Variants in RNF216 observed in about 807,000 individuals in gnomAD.
The protein encoded by RNF216 is ring finger protein 216, also known as E3 ubiquitin-protein ligase RNF216.
Under a neutral mutation model 110.8 loss-of-function variants are expected in RNF216, and 72 were observed. The observed-to-expected ratio is 0.65, with a 90% CI of 0.54 to 0.79. RNF216 has a LOEUF of 0.79. Ranked by LOEUF, RNF216 falls within the 30% of genes least tolerant of loss-of-function variation. The pLI is 0.00. For missense variants in RNF216, 1,342 were observed against 1,141.2 expected, an observed-to-expected ratio of 1.18 and a Z score of -2.54; for synonymous variants, 495 against 407.5, an observed-to-expected ratio of 1.21 and a Z score of -2.59.
At chr7:5,644,305 T>C (rs760995539) in intron 14 of RNF216, among the ~76,000 whole-genome samples, 50 of 152,216 alleles carry the variant, frequency 3.3e-4, no homozygotes, top group Non-Finnish European at 5.9e-4. Flanking sequence ...CCTCAATGTA[T>C]ACTGGTGTCA....
intron 1 of RNF216, among the ~76,000 whole-genome samples, chr7:5,773,555 T>C (rs1459847788): frequency 6.6e-6 from 1 of 151,764 alleles, no homozygotes; most frequent in East Asian, 1.9e-4. Flanking sequence ...TTTTAAAAAG[T>C]ATTTTGAACA....
intron 7 of RNF216, among the ~76,000 whole-genome samples, chr7:5,727,534 C>A (rs1166661390): frequency 6.6e-6 from 1 of 152,126 alleles, no homozygotes; most frequent in Admixed American, 6.5e-5. Context: ...CAAGACCAGC[C>A]TGCACAATCT....
In RNF216 at chr7:5,624,350, G is replaced by A. The variant is rs1187100494; in HGVS notation, c.2383-225C>T. 6.6e-6 allele frequency among the ~76,000 whole-genome samples: 1 copy of A among 152,224 alleles called. No individual in the cohort carries two copies. Among genetic ancestry groups the A allele is most frequent in the African/African-American group, 2.4e-5 (1 of 41,458 alleles). On this transcript the variant is annotated intron_variant, in intron 15 of 16. Coordinates refer to ENST00000389902, the MANE Select transcript of RNF216 (RefSeq NM_207111.4). This position sits in a 1 kb window ranked among gnomAD's most constrained non-coding sequence, Gnocchi z 4.4. ...ACAAGGAGGCCATCCACAAGGCTGG[G>A]CAGAGGGGTCTGAGCATGGCAGGCA...
At chr7:5,682,093 A>G (rs1489792367) in intron 13 of RNF216, among the ~76,000 whole-genome samples, 6 of 152,220 alleles carry the variant, frequency 3.9e-5, no homozygotes, top group South Asian at 2.1e-4. Flanking sequence ...CTGTCCACTC[A>G]GCAGACACAG....
chr7:5,740,185 G>C (rs1220011517), intron 4 of RNF216, among the ~76,000 whole-genome samples: 1 of 140,694 alleles, frequency 7.1e-6, no homozygotes, highest in Non-Finnish European at 1.5e-5. Flanking sequence ...GGAGTGCAGT[G>C]GCACGATCCT....
intron 15 of RNF216, among the ~76,000 whole-genome samples, chr7:5,631,761 C>T (rs148627830): frequency 5.9e-5 from 9 of 152,250 alleles, no homozygotes; most frequent in East Asian, 1.9e-4. Context: ...TAAAATCAGC[C>T]GTAATTCCTC....
chr7:5,741,433 T>G lies in RNF216; in HGVS notation c.584A>C (p.Glu195Ala). 6.2e-7 allele frequency: 1 copy of G among 1,614,230 alleles called. No homozygotes were observed. The highest frequency in any genetic ancestry group is 8.5e-7 in the Non-Finnish European group (1 of 1,180,030). Residue 195 changes from glutamate to alanine, a missense_variant, in exon 4 of 17, where the codon GAA (glutamate) becomes GCA (alanine). Transcript: ENST00000389902. ...SLLYTESDPL[E>A]TQNQSSEDSE... ...GTCTTCGGATGACTGGTTCTGAGTT[T>G]CCAAAGGATCGCTTTCTGTGTAAAG... is the stretch of plus-strand genomic sequence containing the variant.
chr7:5,655,368 C>A (rs546238166), intron 13 of RNF216, among the ~76,000 whole-genome samples: 1 of 152,276 alleles, frequency 6.6e-6, no homozygotes, highest in Admixed American at 6.5e-5. Flanking sequence ...GAGGCCGAGG[C>A]GGAGGGATCA....
chr7:5,645,934 T>C (rs1788024532), intron 14 of RNF216, among the ~76,000 whole-genome samples: 1 of 152,216 alleles, frequency 6.6e-6, no homozygotes, highest in Admixed American at 6.5e-5. Flanking sequence ...TCATACACTG[T>C]GCTCCTGGTT....
rs755333407 is a variant in RNF216 at position 5,624,150 on chromosome 7, T to C, written c.2383-25A>G. The C allele has an allele frequency of 3.1e-6, 5 of 1,604,894 alleles. No individual in the cohort carries two copies. The South Asian group carries it at 4.4e-5, about 14-fold the overall frequency. On this transcript the variant is annotated intron_variant, in intron 15 of 16. Coordinates refer to ENST00000389902, the MANE Select transcript of RNF216 (RefSeq NM_207111.4). The surrounding 1 kb of genome is among the most constrained non-coding windows in gnomAD (Gnocchi z 4.4). ...CCTAAAACGCAAGCAATGAGAAGGA[T>C]GAACCTGTAGCTTCATGCAGTGCTG...
intron 13 of RNF216, among the ~76,000 whole-genome samples, chr7:5,658,943 T>C (rs1319285768): frequency 3.9e-5 from 6 of 152,130 alleles, no homozygotes; most frequent in Non-Finnish European, 8.8e-5. Context: ...CGGAGTTATG[T>C]TTCAGAATAC....
intron 13 of RNF216, among the ~76,000 whole-genome samples, chr7:5,673,698 T>C (rs899261217): frequency 2.0e-5 from 3 of 152,162 alleles, no homozygotes; most frequent in Admixed American, 2.0e-4. Flanking sequence ...CAACACAGCA[T>C]GACCTTGTCT....
At chr7:5,747,886 C>T (rs1291869460) in intron 3 of RNF216, among the ~76,000 whole-genome samples, 2 of 151,970 alleles carry the variant, frequency 1.3e-5, no homozygotes, top group Non-Finnish European at 2.9e-5. Flanking sequence ...TCAAGTGATC[C>T]TCCTGCTAGG....
At chr7:5,721,291 A>C (rs931485810) in intron 8 of RNF216, 119 bp from the exon 9 acceptor site, 2 of 883,152 alleles carry the variant, frequency 2.3e-6, no homozygotes, top group African/African-American at 3.4e-5. Context: ...ACGTTTCATG[A>C]CTTTTCTATC....
At chr7:5,747,776 G>GAAAAAAAAAAAAAAAAAAA (rs1795110181) in intron 3 of RNF216, among the ~76,000 whole-genome samples, 1 of 25,098 alleles carries the variant, frequency 4.0e-5, no homozygotes, top group African/African-American at 1.5e-4. Context: ...AAAAAAAAAA[G>GAAAAAAAAAAAAAAAAAAA]GGGAAAAAAA....
At chr7:5,703,992 A>C (rs919079699) in intron 13 of RNF216, among the ~76,000 whole-genome samples, 4 of 152,224 alleles carry the variant, frequency 2.6e-5, no homozygotes, top group Non-Finnish European at 5.9e-5. Flanking sequence ...TCAGTCTCAC[A>C]CCAAACACAC....
At chr7:5,640,353 T>C (rs1185588683) in intron 15 of RNF216, among the ~76,000 whole-genome samples, 3 of 152,184 alleles carry the variant, frequency 2.0e-5, no homozygotes, top group African/African-American at 4.8e-5. Context: ...GTCCTCTCTC[T>C]CCCCAGCGTA....
intron 8 of RNF216, among the ~76,000 whole-genome samples, chr7:5,723,438 G>A (rs909390235): frequency 1.3e-5 from 2 of 152,036 alleles, no homozygotes; most frequent in African/African-American, 4.8e-5. Flanking sequence ...ACGAGGTCAG[G>A]AGATCGAGAC....
At chr7:5,689,431 C>A (rs887406600) in intron 13 of RNF216, among the ~76,000 whole-genome samples, 1 of 150,612 alleles carries the variant, frequency 6.6e-6, no homozygotes, top group Non-Finnish European at 1.5e-5. Context: ...GGAGGCAGGG[C>A]GCCTAGAAAC....
Sources: allele counts gnomAD v4.1 joint callset (sites outside exome capture counted in the v4.1 genomes callset), GRCh38; gene constraint gnomAD v4.1.1; non-coding constraint Gnocchi (gnomAD v3.1); transcripts MANE v1.5; gene names NCBI Gene and HGNC (gene_info 2026-07-23, HGNC 2026-07-21).